The following DOCK2 variants were observed in gnomAD, a reference collection of about 807,000 sequenced individuals.
DOCK2 encodes dedicator of cytokinesis protein 2.
In DOCK2, 87 loss-of-function variants were observed where a neutral mutation model predicts 248.9. The ratio of observed to expected loss-of-function variants is 0.35; its 90% confidence interval spans 0.29 to 0.42. The LOEUF (loss-of-function observed/expected upper bound fraction) is 0.42. Among genes scored for constraint, DOCK2 ranks in the 10% least tolerant of loss-of-function variants. DOCK2 has a pLI of 1.00. For synonymous variants in DOCK2, 805 were observed against 821.6 expected, an observed-to-expected ratio of 0.98 and a Z score of 0.35; for missense variants, 1,747 against 2,300.2, an observed-to-expected ratio of 0.76 and a Z score of 4.92.
intron 2 of DOCK2, among the ~76,000 whole-genome samples, chr5:169,661,801 T>C (rs961293327): frequency 2.0e-5 from 3 of 152,248 alleles, no homozygotes; most frequent in Non-Finnish European, 4.4e-5. Flanking sequence ...TCCTCCTTTT[T>C]AAAGGGTGAA....
chr5:169,775,583 G>T (rs114142577), intron 25 of DOCK2, among the ~76,000 whole-genome samples: 2 of 151,480 alleles, frequency 1.3e-5, no homozygotes, highest in Admixed American at 6.6e-5. Flanking sequence ...AATTTATAAG[G>T]TTTTCATTAA....
intron 2 of DOCK2, among the ~76,000 whole-genome samples, chr5:169,655,748 A>G (rs1034036923): frequency 4.6e-5 from 7 of 152,230 alleles, no homozygotes; most frequent in African/African-American, 7.2e-5. Flanking sequence ...ACACATATGC[A>G]TACCTGTGCA....
At chr5:169,896,540 T>TAA (rs1773620827) in intron 27 of DOCK2, among the ~76,000 whole-genome samples, 1 of 152,236 alleles carries the variant, frequency 6.6e-6, no homozygotes, top group Non-Finnish European at 1.5e-5. Context: ...AAGCTGGCTG[T>TAA]AAGATTTAAA....
chr5:169,886,293 A>G (rs1364450431), intron 27 of DOCK2, among the ~76,000 whole-genome samples: 1 of 152,172 alleles, frequency 6.6e-6, no homozygotes, highest in Non-Finnish European at 1.5e-5. Flanking sequence ...TGGCATTGTC[A>G]CATACCTCTC....
chr5:169,866,986 T>C (rs889259265), intron 27 of DOCK2, among the ~76,000 whole-genome samples: 4 of 152,182 alleles, frequency 2.6e-5, no homozygotes, highest in Non-Finnish European at 5.9e-5. Flanking sequence ...CACTTACAAG[T>C]CCGGGACCTT....
chr5:169,742,979 TG>T (rs1467242274), intron 22 of DOCK2, among the ~76,000 whole-genome samples: 1 of 152,214 alleles, frequency 6.6e-6, no homozygotes, highest in East Asian at 1.9e-4. Flanking sequence ...CAAAATCTGC[TG>T]GTTTCTGAAG....
At chr5:169,884,504 C>G (rs767409805) in intron 27 of DOCK2, 1 of 152,196 alleles carries the variant, frequency 6.6e-6, no homozygotes, top group Non-Finnish European at 1.5e-5. Context: ...AGGGAACATT[C>G]CCATTTATGT....
chr5:169,823,037 C>T (rs1768574570), intron 26 of DOCK2, among the ~76,000 whole-genome samples: 2 of 152,134 alleles, frequency 1.3e-5, no homozygotes, highest in African/African-American at 4.8e-5. Context: ...GGATAAATTC[C>T]TCCATACATA....
At chr5:169,994,198 G>A (rs958005765) in intron 29 of DOCK2, among the ~76,000 whole-genome samples, 2 of 152,198 alleles carry the variant, frequency 1.3e-5, no homozygotes, top group African/African-American at 4.8e-5. Flanking sequence ...GCAAGCTGGT[G>A]TTTAGGGGAG....
At chr5:169,811,030 C>G (rs1767720693) in intron 26 of DOCK2, among the ~76,000 whole-genome samples, 1 of 150,908 alleles carries the variant, frequency 6.6e-6, no homozygotes, top group Admixed American at 6.6e-5. Context: ...CACACTCATG[C>G]CTCTCCTTTG....
chr5:169,673,395 A>ATT (rs1460274777), intron 5 of DOCK2, among the ~76,000 whole-genome samples: 7 of 152,082 alleles, frequency 4.6e-5, no homozygotes, highest in Admixed American at 2.0e-4. Context: ...GTATATATAT[A>ATT]TATTTTTTTG....
At chr5:169,899,635 C>T (rs1024834457) in intron 27 of DOCK2, among the ~76,000 whole-genome samples, 8 of 152,068 alleles carry the variant, frequency 5.3e-5, no homozygotes, top group African/African-American at 9.7e-5. Flanking sequence ...TGCTTTTGTT[C>T]GATGTTAGTG....
intron 33 of DOCK2, among the ~76,000 whole-genome samples, chr5:170,019,336 G>T (rs1364503220): frequency 1.3e-5 from 2 of 152,184 alleles, no homozygotes; most frequent in Non-Finnish European, 2.9e-5. Context: ...CTGTGTATTT[G>T]CTTAGCCTCT....
chr5:169,868,321 C>T (rs1015752727), intron 27 of DOCK2, among the ~76,000 whole-genome samples: 5 of 152,196 alleles, frequency 3.3e-5, no homozygotes, highest in Admixed American at 1.3e-4. Flanking sequence ...CATATGCTTC[C>T]ACCAAATTAT....
chr5:169,898,942 G>C (rs757683283), intron 27 of DOCK2, among the ~76,000 whole-genome samples: 97 of 152,254 alleles, frequency 6.4e-4, no homozygotes, highest in Non-Finnish European at 1.2e-3. Flanking sequence ...GTGGTAGAAT[G>C]GTGGATTCAA....
At chr5:169,829,299 G>C (rs538447809) in intron 26 of DOCK2, among the ~76,000 whole-genome samples, 4 of 152,178 alleles carry the variant, frequency 2.6e-5, no homozygotes, top group Non-Finnish European at 5.9e-5. Flanking sequence ...AAAGCGGCAT[G>C]CATTAAACAT....
At chr5:169,967,363 T>C (rs1777340567) in intron 27 of DOCK2, among the ~76,000 whole-genome samples, 1 of 152,222 alleles carries the variant, frequency 6.6e-6, no homozygotes, top group Non-Finnish European at 1.5e-5. Flanking sequence ...TTGGCTCAGA[T>C]GCTGAACAAT....
At chr5:170,066,086 G>A (rs1231484059) in intron 44 of DOCK2, among the ~76,000 whole-genome samples, 2 of 151,490 alleles carry the variant, frequency 1.3e-5, no homozygotes, top group Non-Finnish European at 2.9e-5. Flanking sequence ...CGAGTAACTG[G>A]GACTACAGGC....
intron 41 of DOCK2, among the ~76,000 whole-genome samples, chr5:170,052,658 T>C (rs1301068381): frequency 1.3e-5 from 2 of 152,244 alleles, no homozygotes; most frequent in Non-Finnish European, 2.9e-5. Context: ...TTGAACCCCA[T>C]GATCTGTCTG....
Sources: gnomAD v4.1 joint callset for allele counts (sites outside exome capture counted in the v4.1 genomes callset) on GRCh38, gnomAD v4.1.1 for gene constraint, MANE v1.5 for transcripts, NCBI Gene and HGNC (gene_info 2026-07-23, HGNC 2026-07-21) for gene names.